PCDHA5: variants seen among roughly 807,000 people sequenced by gnomAD.
PCDHA5 encodes protocadherin alpha 5.
Under a neutral mutation model 61.6 loss-of-function variants are expected in PCDHA5, and 43 were observed. That is an observed-to-expected ratio of 0.70 (90% CI 0.55 to 0.90). The LOEUF is 0.90. PCDHA5 is among the 40% of genes least tolerant of loss of function. The probability of loss-of-function intolerance (pLI) is 0.00; values close to 1 mark genes in which losing one functional copy is unlikely to be tolerated. For missense variants in PCDHA5, 1,298 were observed against 1,222.7 expected (o/e 1.06, Z -0.92); for synonymous variants, 627 against 543.9 (o/e 1.15, Z -2.13).
intron 1 of PCDHA5, chr5:140,848,457 G>A (rs1030799361): frequency 6.5e-7 from 1 of 1,527,596 alleles, no homozygotes; most frequent in African/African-American, 1.4e-5. Context: ...CTAATTTGGA[G>A]GCAATTTTCA....
intron 1 of PCDHA5, chr5:140,841,833 G>C: frequency 6.2e-7 from 1 of 1,613,938 alleles, no homozygotes; most frequent in Non-Finnish European, 8.5e-7. Flanking sequence ...TTAACCTACA[G>C]GCTTAGCTCT....
chr5:140,893,689 A>T (rs999117899), intron 1 of PCDHA5, among the ~76,000 whole-genome samples: 1 of 152,192 alleles, frequency 6.6e-6, no homozygotes, highest in Admixed American at 6.5e-5. Flanking sequence ...ATATCATCTC[A>T]TTCTATCCTA....
At chr5:140,884,129 C>T (rs1554181252) in intron 1 of PCDHA5, 1 of 1,613,420 alleles carries the variant, frequency 6.2e-7, no homozygotes, top group Non-Finnish European at 8.5e-7. Context: ...CGCGCGCATC[C>T]CGTTCCGCGT....
chr5:140,855,643 A>G (rs1205505162), intron 1 of PCDHA5, among the ~76,000 whole-genome samples: 1 of 149,878 alleles, frequency 6.7e-6, no homozygotes, highest in East Asian at 1.9e-4. Flanking sequence ...ATTGATAATC[A>G]TGTGGTTAGG....
chr5:140,878,450 A>T (rs2057594535), intron 1 of PCDHA5, among the ~76,000 whole-genome samples: 1 of 152,224 alleles, frequency 6.6e-6, no homozygotes, highest in Non-Finnish European at 1.5e-5. Context: ...TCTTATTTAC[A>T]TGAAATATAA....
chr5:140,849,912 C>T (rs1318290193), intron 1 of PCDHA5: 4 of 1,598,150 alleles, frequency 2.5e-6, no homozygotes, highest in Admixed American at 1.7e-5. Context: ...GCCGGGCTGC[C>T]ACATCTTCAC....
At position 140,829,434 on chromosome 5, in the gene PCDHA5, T is replaced by A. The variant is rs2150167866; in HGVS notation, c.2352+5307T>A. 3 of 1,613,976 alleles carry A rather than the reference T, an allele frequency of 1.9e-6. No homozygotes were observed. In the South Asian group the frequency reaches 3.3e-5, roughly 18 times the overall value. On this transcript the variant is annotated intron_variant, in intron 1 of 3. Transcript: ENST00000529859. ...AGCTTGTCTGTGGAGGTGGCCGACA[T>A]GAATGACAATGCTCCGGCGTTCGCG...
Position 140,858,116 on chromosome 5 carries a change from G to A in PCDHA5, c.2352+33989G>A, listed in dbSNP as rs140097524. The A allele has an allele frequency of 1.6e-5, 26 of 1,597,882 alleles. 1 individual carries two copies. The Middle Eastern group carries it at 5.1e-4, about 31-fold the overall frequency. Reference sequence around the variant, plus strand: ...TTCAGTGGGCGTGGCGCCCGAGGTGGCCCTGGTGGATGTCAACGTGTACCT... The same window carrying A: ...TTCAGTGGGCGTGGCGCCCGAGGTGACCCTGGTGGATGTCAACGTGTACCT... On this transcript the variant is annotated intron_variant, in intron 1 of 3. Coordinates refer to ENST00000529859, the MANE Select transcript of PCDHA5 (RefSeq NM_018908.3).
intron 1 of PCDHA5, chr5:140,828,768 T>C (rs2150158736): frequency 6.2e-7 from 1 of 1,614,220 alleles, no homozygotes; most frequent in Non-Finnish European, 8.5e-7. Flanking sequence ...ACAGGCACTG[T>C]TCAGCTGCTG....
Position 140,881,600 on chromosome 5 carries a change from A to G in PCDHA5, c.2352+57473A>G, listed in dbSNP as rs193128939. On this transcript the variant is annotated intron_variant, in intron 1 of 3. Coordinates refer to ENST00000529859, the MANE Select transcript of PCDHA5 (RefSeq NM_018908.3). ...GTCACATTGAGGGAAATTTATTAAT[A>G]TGATGTGCTTATTCAAAATCTGATA... 3.1e-3 allele frequency among the ~76,000 whole-genome samples: 469 copies of G among 152,338 alleles called. 3 individuals are homozygous for G. Among genetic ancestry groups the G allele is most frequent in the Middle Eastern group, 0.014 (4 of 294 alleles).
At chr5:140,864,027 G>A (rs2048287135) in intron 1 of PCDHA5, 1 of 152,794 alleles carries the variant, frequency 6.5e-6, no homozygotes, top group Non-Finnish European at 1.5e-5. Flanking sequence ...TGGAAGTCTA[G>A]CCATCTTAAT....
chr5:141,004,708 A>G (rs955852492), intron 3 of PCDHA5, among the ~76,000 whole-genome samples: 2 of 152,340 alleles, frequency 1.3e-5, no homozygotes, highest in South Asian at 4.1e-4. Flanking sequence ...TAGGTGCCGA[A>G]TCAGAGGTTT....
At chr5:140,927,204 G>C (rs1554204171) in intron 1 of PCDHA5, 1 of 1,614,112 alleles carries the variant, frequency 6.2e-7, no homozygotes, top group Middle Eastern at 1.6e-4. Flanking sequence ...TCGAGGACCC[G>C]CTGGAGCTGC....
At chr5:140,824,904 G>A (rs1768387762) in intron 1 of PCDHA5, 2 of 152,018 alleles carry the variant, frequency 1.3e-5, no homozygotes, top group South Asian at 2.1e-4. Flanking sequence ...TGCCTAAGCA[G>A]TTCACCTGTA....
At chr5:140,917,518 C>T (rs1159309425) in intron 1 of PCDHA5, among the ~76,000 whole-genome samples, 3 of 152,198 alleles carry the variant, frequency 2.0e-5, no homozygotes, top group Non-Finnish European at 4.4e-5. Context: ...AGGTTTTATT[C>T]TACGGTTTGT....
chr5:141,004,346 G>C (rs2098162740), intron 3 of PCDHA5, among the ~76,000 whole-genome samples: 1 of 152,212 alleles, frequency 6.6e-6, no homozygotes, highest in Non-Finnish European at 1.5e-5. Context: ...GTCTGTGAGG[G>C]ACTGGAGAGA....
intron 1 of PCDHA5, among the ~76,000 whole-genome samples, chr5:140,855,081 C>T (rs868991206): frequency 6.7e-6 from 1 of 149,844 alleles, no homozygotes; most frequent in Non-Finnish European, 1.5e-5. Context: ...GAAACCACCA[C>T]TCTCAGCCTG....
intron 1 of PCDHA5, among the ~76,000 whole-genome samples, chr5:140,907,278 A>G (rs558447183): frequency 2.6e-5 from 4 of 152,338 alleles, no homozygotes; most frequent in African/African-American, 7.2e-5. Context: ...CCATCATTCT[A>G]TCAATCCAGC....
chr5:140,868,994 A>C, intron 1 of PCDHA5: 1 of 1,510,848 alleles, frequency 6.6e-7, no homozygotes, highest in Non-Finnish European at 8.8e-7. Context: ...GCCACCGTTT[A>C]AGGATCCTTT....
Sources: allele counts gnomAD v4.1 joint callset (sites outside exome capture counted in the v4.1 genomes callset), GRCh38; gene constraint gnomAD v4.1.1; transcripts MANE v1.5; gene names NCBI Gene and HGNC (gene_info 2026-07-23, HGNC 2026-07-21).